Variants in GRIA4 observed in about 807,000 individuals in gnomAD.
The protein encoded by GRIA4 is glutamate ionotropic receptor AMPA type subunit 4, also known as glutamate receptor 4.
Under a neutral mutation model 104.0 loss-of-function variants are expected in GRIA4, and 34 were observed. That is an observed-to-expected ratio of 0.33 (90% CI 0.25 to 0.44). The LOEUF (loss-of-function observed/expected upper bound fraction) is 0.44, where lower values mean the gene tolerates loss of function less well. Ranked by LOEUF, GRIA4 falls within the 20% of genes least tolerant of loss-of-function variation. The pLI is 1.00. For synonymous variants in GRIA4, 386 were observed against 381.9 expected, an observed-to-expected ratio of 1.01 and a Z score of -0.13; for missense variants, 750 against 1,096.5, an observed-to-expected ratio of 0.68 and a Z score of 4.46.
intron 3 of GRIA4, among the ~76,000 whole-genome samples, chr11:105,700,257 A>G (rs970967632): frequency 2.0e-5 from 3 of 152,234 alleles, no homozygotes; most frequent in Admixed American, 1.3e-4. Context: ...GAGGGGAATG[A>G]GTCAGCTCAT....
chr11:105,760,098 A>G (rs568167034), intron 4 of GRIA4, among the ~76,000 whole-genome samples: 109 of 152,200 alleles, frequency 7.2e-4, no homozygotes, highest in African/African-American at 2.4e-3. Flanking sequence ...TAAATATCCC[A>G]TTTGTATCAC....
intron 3 of GRIA4, among the ~76,000 whole-genome samples, chr11:105,689,647 A>C (rs1176614405): frequency 7.9e-5 from 12 of 152,260 alleles, no homozygotes; most frequent in Non-Finnish European, 1.8e-4. Context: ...ATACCAAAAA[A>C]GGACCACAAT....
At chr11:105,870,833 T>C (rs1479306832) in intron 5 of GRIA4, among the ~76,000 whole-genome samples, 2 of 152,086 alleles carry the variant, frequency 1.3e-5, no homozygotes, top group African/African-American at 2.4e-5. Context: ...TAAACATGAT[T>C]GACGTCGTGT....
At chr11:105,776,345 G>A (rs1941450191) in intron 4 of GRIA4, among the ~76,000 whole-genome samples, 1 of 152,068 alleles carries the variant, frequency 6.6e-6, no homozygotes, top group Admixed American at 6.6e-5. Flanking sequence ...AACATACTAT[G>A]TAGAAAGGAA....
At chr11:105,735,565 T>A (rs1938882899) in intron 3 of GRIA4, among the ~76,000 whole-genome samples, 1 of 152,186 alleles carries the variant, frequency 6.6e-6, no homozygotes, top group African/African-American at 2.4e-5. Flanking sequence ...TCTATTAATT[T>A]ATAAGTAGGA....
chr11:105,691,676 C>A (rs1204840594), intron 3 of GRIA4, among the ~76,000 whole-genome samples: 1 of 152,020 alleles, frequency 6.6e-6, no homozygotes, highest in African/African-American at 2.4e-5. Flanking sequence ...GTGGTTCACG[C>A]CTGTAATCCC....
At chr11:105,911,429 T>C (rs1262546038) in intron 10 of GRIA4, among the ~76,000 whole-genome samples, 1 of 151,982 alleles carries the variant, frequency 6.6e-6, no homozygotes, top group Admixed American at 6.6e-5. Context: ...AGCTCACGTC[T>C]CTTTAGGCAA....
intron 4 of GRIA4, among the ~76,000 whole-genome samples, chr11:105,790,777 G>A (rs1034841830): frequency 1.3e-5 from 2 of 152,158 alleles, no homozygotes; most frequent in Non-Finnish European, 2.9e-5. Flanking sequence ...AGTTCTTTGA[G>A]ATCCAGAAAA....
intron 4 of GRIA4, among the ~76,000 whole-genome samples, chr11:105,779,984 G>T (rs1468108582): frequency 6.6e-6 from 1 of 152,146 alleles, no homozygotes; most frequent in African/African-American, 2.4e-5. Context: ...TTGCTTTAAA[G>T]GGTAAAAGTA....
Position 105,898,495 on chromosome 11 carries a change from C to A in GRIA4, c.885+68C>A, listed in dbSNP as rs1162978050. 3.1e-6 allele frequency: 3 copies of A among 961,182 alleles called. No individual in the cohort carries two copies. In the African/African-American group the frequency reaches 5.0e-5, roughly 16 times the overall value. The allele number at this position is 961,182 out of a possible 1,614,324, so 59.5% of individuals were successfully genotyped here. ...AATTTAAGATGAAAAGTTTATTATA[C>A]AGTTTTTCCATTAACATTTTGCCAA... On this transcript the variant is annotated intron_variant, in intron 7 of 16. Coordinates refer to ENST00000282499, the MANE Select transcript of GRIA4 (RefSeq NM_000829.4).
At chr11:105,942,023 G>C (rs1404378886) in intron 14 of GRIA4, among the ~76,000 whole-genome samples, 2 of 152,056 alleles carry the variant, frequency 1.3e-5, no homozygotes, top group Non-Finnish European at 2.9e-5. Flanking sequence ...AGCATTATCA[G>C]CAAGTATACC....
At chr11:105,654,673 C>A (rs1291091072) in intron 3 of GRIA4, among the ~76,000 whole-genome samples, 2 of 152,080 alleles carry the variant, frequency 1.3e-5, no homozygotes, top group Non-Finnish European at 2.9e-5. Flanking sequence ...GAGAATAAGT[C>A]TTTCTATGAC....
chr11:105,952,642 A>G (rs1318212466), intron 14 of GRIA4, among the ~76,000 whole-genome samples: 2 of 152,186 alleles, frequency 1.3e-5, no homozygotes, highest in African/African-American at 4.8e-5. Context: ...TGGAATCCAG[A>G]CAAGTATCTG....
intron 4 of GRIA4, among the ~76,000 whole-genome samples, chr11:105,838,595 A>G (rs892604786): frequency 6.6e-6 from 1 of 152,212 alleles, no homozygotes; most frequent in African/African-American, 2.4e-5. Context: ...TTTTTAAGCA[A>G]CAAATCTTTC....
Position 105,794,866 on chromosome 11 carries a change from G to A in GRIA4, c.487+41646G>A, listed in dbSNP as rs536677887. On this transcript the variant is annotated intron_variant, in intron 4 of 16. Coordinates refer to ENST00000282499, the MANE Select transcript of GRIA4 (RefSeq NM_000829.4). Reference sequence around the variant, plus strand: ...TTATGAATATAGGCCATAAACCACCGAGGTATTAGCAGTACCTGTGACTTT... The same window carrying A: ...TTATGAATATAGGCCATAAACCACCAAGGTATTAGCAGTACCTGTGACTTT... 5.9e-5 allele frequency among the ~76,000 whole-genome samples: 9 copies of A among 151,684 alleles called. No individual in the cohort carries two copies. The South Asian group carries it at 1.0e-3, about 18-fold the overall frequency.
At chr11:105,877,285 T>C (rs1050081396) in intron 5 of GRIA4, among the ~76,000 whole-genome samples, 2 of 152,226 alleles carry the variant, frequency 1.3e-5, no homozygotes, top group Non-Finnish European at 2.9e-5. Flanking sequence ...CCACTGTTAG[T>C]CTGACAGGCT....
chr11:105,757,030 A>G (rs1468374550), intron 4 of GRIA4, among the ~76,000 whole-genome samples: 1 of 152,150 alleles, frequency 6.6e-6, no homozygotes, highest in East Asian at 1.9e-4. Context: ...CTTCCTATGG[A>G]AATTCTCACT....
chr11:105,702,243 C>T (rs1206296103), intron 3 of GRIA4, among the ~76,000 whole-genome samples: 1 of 152,030 alleles, frequency 6.6e-6, no homozygotes, highest in Admixed American at 6.6e-5. Context: ...TGAAGAGAAG[C>T]TATCTCTATC....
intron 3 of GRIA4, among the ~76,000 whole-genome samples, chr11:105,748,475 GT>G (rs1939799848): frequency 6.6e-6 from 1 of 152,062 alleles, no homozygotes; most frequent in Non-Finnish European, 1.5e-5. Flanking sequence ...CACCTCTGGG[GT>G]TCAAGCAATG....
Sources: allele counts gnomAD v4.1 joint callset (sites outside exome capture counted in the v4.1 genomes callset), GRCh38; gene constraint gnomAD v4.1.1; transcripts MANE v1.5; gene names NCBI Gene and HGNC (gene_info 2026-07-23, HGNC 2026-07-21).